The following CCDC66 variants were observed in gnomAD, a reference collection of about 807,000 sequenced individuals.
The protein encoded by CCDC66 is coiled-coil domain-containing protein 66.
CCDC66 carries 133 observed loss-of-function variants against 128.3 expected under a neutral mutation model. The observed-to-expected ratio is 1.04, with a 90% confidence interval of 0.90 to 1.20. CCDC66 has a LOEUF of 1.20. CCDC66 is among the 50% of genes most tolerant of loss of function. The pLI is 0.00. For missense variants in CCDC66, 1,126 were observed against 1,075.5 expected (o/e 1.05, Z -0.66); for synonymous variants, 387 against 357.0 (o/e 1.08, Z -0.95).
chr3:56,620,060 ACTTTC>A lies in CCDC66; in HGVS notation c.2760+162_2760+166del. 6 of 693,198 alleles carry A rather than the reference ACTTTC, an allele frequency of 8.7e-6. No homozygotes were observed. In the South Asian group the frequency reaches 1.5e-4, roughly 17 times the overall value. The allele number at this position is 693,198 out of a possible 1,614,324, so 42.9% of individuals were successfully genotyped here. On this transcript the variant is annotated intron_variant, in intron 17 of 17. Coordinates refer to ENST00000394672, the MANE Select transcript of CCDC66 (RefSeq NM_001141947.3). ...GTTTGTTAGACACAAATAAAATGGG[ACTTTC>A]CTAAGACTTGCTTTTACACTGCCGT...
intron 11 of CCDC66, among the ~76,000 whole-genome samples, chr3:56,614,582 TATTTG>T (rs1432478334): frequency 1.3e-5 from 2 of 152,190 alleles, no homozygotes; most frequent in African/African-American, 4.8e-5. Flanking sequence ...GGTGGTACCA[TATTTG>T]AGCTAACCTA....
At chr3:56,564,376 AC>A (rs1195198018) in intron 4 of CCDC66, among the ~76,000 whole-genome samples, 1 of 152,212 alleles carries the variant, frequency 6.6e-6, no homozygotes. Context: ...AAATGTTAGT[AC>A]AAAAAACTAT....
rs186629692 is a variant in CCDC66, at chr3:56,563,738, A to T, written c.157A>T (p.Ile53Phe). ...KCPLRTKTGH[I>F]LKSTQDTCIG... ...TCCTTTAAGAACAAAAACTGGGCAC[A>T]TTCTAAAATCAACACAAGATACTTG... The change falls in exon 4 of 18, where the codon ATT (isoleucine) becomes TTT (phenylalanine). Residue 53 changes from isoleucine to phenylalanine, a missense_variant. Transcript: ENST00000394672. 3.2e-5 allele frequency: 50 copies of T among 1,551,660 alleles called. No individual in the cohort carries two copies. In the Middle Eastern group the frequency reaches 1.2e-3, roughly 36 times the overall value.
At chr3:56,561,313 C>A (rs1294786097) in intron 3 of CCDC66, 1 of 456,412 alleles carries the variant, frequency 2.2e-6, no homozygotes, top group Non-Finnish European at 4.4e-6. Flanking sequence ...TTTTAACCAA[C>A]TCAGAACATC....
chr3:56,571,496 C>T lies in CCDC66; in HGVS notation c.936+194C>T, dbSNP rs112239184. ...TCCCAGGCTCAAGCGATTCTCCTGC[C>T]TCAGCCTCCCGAGTAGCTAGGACTA... is the stretch of plus-strand genomic sequence containing the variant. On this transcript the variant is annotated intron_variant, in intron 7 of 17. Transcript: ENST00000394672. 5.9e-3 allele frequency: 2,268 copies of T among 383,952 alleles called. 42 individuals are homozygous for T. The highest frequency in any genetic ancestry group is 0.044 in the African/African-American group (2,027 of 45,850). The allele number at this position is 383,952 out of a possible 1,614,324, so 23.8% of individuals were successfully genotyped here.
At chr3:56,585,241 G>A (rs2069463431) in intron 7 of CCDC66, among the ~76,000 whole-genome samples, 1 of 151,768 alleles carries the variant, frequency 6.6e-6, no homozygotes, top group Admixed American at 6.6e-5. Flanking sequence ...GGAAATCTTT[G>A]TACAGGAATA....
At chr3:56,616,847 T>G (rs2107390057) in intron 13 of CCDC66, 1 of 334,852 alleles carries the variant, frequency 3.0e-6, no homozygotes, top group African/African-American at 2.1e-5. Context: ...CAGGTGGTTT[T>G]GGTTTGCATT....
rs1388256 is a variant in CCDC66 at position 56,593,020 on chromosome 3, A to G, written c.987A>G (p.Gln329=). 0.87 allele frequency: 1,398,491 copies of G among 1,610,204 alleles called. 612,411 individuals carry two copies. The highest frequency in any genetic ancestry group is 0.9 in the Non-Finnish European group (1,066,595 of 1,178,610). ...HPFSAVKQEL[Q]RKWIEELNKQ... ...TCAGTGCTGTGAAACAAGAACTGCA[A>G]AGAAAATGGATTGAAGAGTTGAATA... Residue 329 remains glutamine, a synonymous_variant, in exon 8 of 18, where the codon CAA becomes CAG. Transcript: ENST00000394672.
intron 7 of CCDC66, among the ~76,000 whole-genome samples, chr3:56,580,154 C>T (rs1267186758): frequency 6.6e-6 from 1 of 151,736 alleles, no homozygotes; most frequent in African/African-American, 2.4e-5. Flanking sequence ...ATCCCTTTAC[C>T]AGTATGTAAT....
At chr3:56,586,847 T>C (rs189455730) in intron 7 of CCDC66, among the ~76,000 whole-genome samples, 11 of 151,794 alleles carry the variant, frequency 7.2e-5, no homozygotes, top group Non-Finnish European at 5.9e-5. Context: ...GCCAAGAGTT[T>C]GAGACCAGCG....
chr3:56,563,693 A>G lies in CCDC66; in HGVS notation c.112A>G (p.Lys38Glu). 5 of 1,546,586 alleles carry G rather than the reference A, an allele frequency of 3.2e-6. No individual in the cohort carries two copies. Among genetic ancestry groups the G allele is most frequent in the Middle Eastern group, 1.7e-4 (1 of 5,952 alleles). ...KSKISVKMGN[K>E]AKIAKCPLRT... is the part of the protein sequence containing the mutation. ...TCTGGTGTTTTAACAGATGGGAAAT[A>G]AGGCCAAGATTGCAAAATGTCCTTT... The change falls in exon 4 of 18, where the codon AAG (lysine) becomes GAG (glutamate). Residue 38 changes from lysine to glutamate, a missense_variant. By Grantham distance (56) the Lys-to-Glu change is moderately conservative (BLOSUM62 1). Coordinates refer to ENST00000394672, the MANE Select transcript of CCDC66 (RefSeq NM_001141947.3).
intron 9 of CCDC66, 42 bp from the exon 10 acceptor site, chr3:56,593,902 C>A: frequency 6.2e-7 from 1 of 1,602,420 alleles, no homozygotes; most frequent in Non-Finnish European, 8.5e-7. Context: ...GTTGAATCTA[C>A]CTTTTTGAGG....
At chr3:56,569,526 G>C (rs899143630) in intron 6 of CCDC66, 1 of 155,364 alleles carries the variant, frequency 6.4e-6, no homozygotes, top group African/African-American at 2.4e-5. Context: ...ATTCATGAGG[G>C]ATTCATCTCC....
chr3:56,592,690 T>C lies in CCDC66; in HGVS notation c.937-280T>C, dbSNP rs113583930. Among the ~76,000 whole-genome samples the C allele has an allele frequency of 9.7e-3, 1,483 of 152,220 alleles. 40 individuals carry two copies. The highest frequency in any genetic ancestry group is 0.055 in the East Asian group (286 of 5,174). Reference sequence around the variant, plus strand: ...GAATTTTGAAAGTCTTTTAATTGTTTTGGAGAAAGAATTTTCTGTTTTTCA... The same window carrying C: ...GAATTTTGAAAGTCTTTTAATTGTTCTGGAGAAAGAATTTTCTGTTTTTCA... On this transcript the variant is annotated intron_variant, in intron 7 of 17. Transcript: ENST00000394672.
chr3:56,599,746 C>A (rs187719016), intron 10 of CCDC66, among the ~76,000 whole-genome samples: 1 of 152,124 alleles, frequency 6.6e-6, no homozygotes, highest in Admixed American at 6.5e-5. Context: ...TGAGAAGATA[C>A]TTGATATGAA....
At chr3:56,584,506 A>G (rs1279067131) in intron 7 of CCDC66, among the ~76,000 whole-genome samples, 3 of 145,706 alleles carry the variant, frequency 2.1e-5, no homozygotes, top group African/African-American at 7.9e-5. Context: ...GCGGCAGGGC[A>G]GAGGCGCTCC....
intron 4 of CCDC66, among the ~76,000 whole-genome samples, chr3:56,565,729 C>A (rs1468485575): frequency 4.0e-5 from 6 of 151,652 alleles, no homozygotes; most frequent in African/African-American, 1.5e-4. Context: ...TGCAGTGGTG[C>A]GATCTCGGCT....
rs774839605 is a variant in CCDC66 at position 56,563,996 on chromosome 3, C to G, written c.415C>G (p.His139Asp). ...LVGKQKPHKKHITAENMKSSL... is the reference protein window; with the variant it reads ...LVGKQKPHKKDITAENMKSSL... ...AGGTAAACAGAAGCCTCACAAAAAA[C>G]ACATCACAGCTGAAAACATGAAGAG... Residue 139 changes from histidine (H) to aspartate (D), a missense_variant, in exon 4 of 18, where the codon CAC becomes GAC. By Grantham distance (81) the His-to-Asp change is moderately conservative. Transcript: ENST00000394672. 4.3e-6 allele frequency: 7 copies of G among 1,613,850 alleles called. No individual in the cohort carries two copies. Among genetic ancestry groups the G allele is most frequent in the Non-Finnish European group, 5.1e-6 (6 of 1,179,954 alleles).
intron 10 of CCDC66, among the ~76,000 whole-genome samples, chr3:56,599,300 C>T (rs761711699): frequency 6.6e-6 from 1 of 151,878 alleles, no homozygotes; most frequent in African/African-American, 2.4e-5. Flanking sequence ...TGGGTCTTCT[C>T]TCTTCGGTTC....
Sources: gnomAD v4.1 joint callset for allele counts (sites outside exome capture counted in the v4.1 genomes callset) on GRCh38, gnomAD v4.1.1 for gene constraint, MANE v1.5 for transcripts, NCBI Gene and HGNC (gene_info 2026-07-23, HGNC 2026-07-21) for gene names.